UBN1: variants seen among roughly 807,000 people sequenced by gnomAD.
UBN1 encodes the protein ubinuclein 1, also known as ubinuclein-1.
A neutral mutation model predicts 108.5 loss-of-function variants in UBN1; 17 were observed. That is an observed-to-expected ratio of 0.16 (90% confidence interval 0.11 to 0.24). The LOEUF (loss-of-function observed/expected upper bound fraction) is 0.24, where lower values mean the gene tolerates loss of function less well. Among genes scored for constraint, UBN1 ranks in the 10% least tolerant of loss-of-function variants. UBN1 has a pLI of 1.00. For missense variants in UBN1, 1,595 were observed against 1,394.4 expected, an observed-to-expected ratio of 1.14 and a Z score of -2.29; for synonymous variants, 726 against 564.2, an observed-to-expected ratio of 1.29 and a Z score of -4.07.
At chr16:4,879,509 G>A (rs1252433442) in intron 17 of UBN1, among the ~76,000 whole-genome samples, 1 of 152,108 alleles carries the variant, frequency 6.6e-6, no homozygotes, top group Non-Finnish European at 1.5e-5. Context: ...AATCAGAAAA[G>A]CAACTATACC....
chr16:4,851,390 C>CA (rs1259584599), intron 1 of UBN1, among the ~76,000 whole-genome samples: 1 of 151,982 alleles, frequency 6.6e-6, no homozygotes, highest in Non-Finnish European at 1.5e-5. Flanking sequence ...GTTGAGGCCT[C>CA]AGTGAGCTGA....
chr16:4,855,510 G>A (rs139522462), intron 2 of UBN1, among the ~76,000 whole-genome samples: 7,859 of 149,670 alleles, frequency 0.053, 674 homozygotes, highest in African/African-American at 0.18. Context: ...CAGCTACTCA[G>A]AAAGCTGAGG....
rs2142117972 is a variant in UBN1, at chr16:4,853,164, A to G, written c.247A>G (p.Lys83Glu). 1 of 1,614,082 alleles carries G rather than the reference A, an allele frequency of 6.2e-7. No homozygotes were observed. The highest frequency in any genetic ancestry group is 1.1e-5 in the South Asian group (1 of 91,078). Reference sequence around the variant, plus strand: ...GGTAAAAGGCCTTCAGCCTGGAGATAAGGTACACCCCTTTGTTCCCAGAGG... The same window carrying G: ...GGTAAAAGGCCTTCAGCCTGGAGATGAGGTACACCCCTTTGTTCCCAGAGG... ...GKVKGLQPGDKKKDLSDPFND... is the reference protein window; with the variant it reads ...GKVKGLQPGDEKKDLSDPFND... The change falls in exon 2 of 18, where the codon AAG becomes GAG. Residue 83 changes from lysine to glutamate, a missense_variant and splice_region_variant. By Grantham distance (56) the Lys-to-Glu change is moderately conservative (BLOSUM62 1). Around this residue, in one of 3 missense-constraint regions of UBN1, gnomAD observed 181 missense variants for 157.3 expected, o/e 1.15. Coordinates refer to ENST00000262376, the MANE Select transcript of UBN1 (RefSeq NM_001079514.3).
intron 17 of UBN1, among the ~76,000 whole-genome samples, chr16:4,879,160 G>A (rs2088002886): frequency 5.9e-5 from 9 of 152,150 alleles, no homozygotes; most frequent in Admixed American, 5.9e-4. Context: ...GATATTGAAC[G>A]TCGCCAGCAA....
chr16:4,867,006 G>C (rs1034284322), intron 7 of UBN1, among the ~76,000 whole-genome samples: 5 of 152,242 alleles, frequency 3.3e-5, no homozygotes, highest in Admixed American at 3.3e-4. Context: ...GGCTTCGCCG[G>C]CCTCCTGGGG....
At position 4,874,480 on chromosome 16, in the gene UBN1, C is replaced by G. The variant is rs138921792; in HGVS notation, c.2070C>G (p.Asn690Lys). 6 of 1,614,110 alleles carry G rather than the reference C, an allele frequency of 3.7e-6. No homozygotes were observed. In the African/African-American group the frequency reaches 8.0e-5, roughly 22 times the overall value. The change falls in exon 15 of 18, where the codon AAC (asparagine) becomes AAG (lysine). Residue 690 changes from asparagine (N) to lysine (K), a missense_variant. Asn to Lys is a moderately conservative substitution (Grantham distance 94). Around this residue, in one of 3 missense-constraint regions of UBN1, gnomAD observed 1,398 missense variants for 1,194.7 expected, o/e 1.17. Transcript: ENST00000262376. ...LAALNSRAAG[N>K]SEFTLPAPSK... ...CATTGAATAGCAGAGCAGCTGGGAA[C>G]TCTGAATTCACACTGCCTGCACCCT...
In UBN1 at chr16:4,849,343, G is replaced by GAAAACA. The variant is rs201720570; in HGVS notation, c.-40+1145_-40+1150dup. Among the ~76,000 whole-genome samples the GAAAACA allele has an allele frequency of 6.8e-3, 1,040 of 152,048 alleles. 10 individuals carry two copies. Among genetic ancestry groups the GAAAACA allele is most frequent in the African/African-American group, 0.024 (995 of 41,450 alleles). On this transcript the variant is annotated intron_variant, in intron 1 of 17. Coordinates refer to ENST00000262376, the MANE Select transcript of UBN1 (RefSeq NM_001079514.3). ...CGTGGATGATAGGTCTGCCTATTTT[G>GAAAACA]AAAACAAAAACAAAAACCAAAAAAC...
intron 8 of UBN1, 118 bp downstream of exon 8, chr16:4,869,021 G>A (rs2087476456): frequency 1.1e-6 from 1 of 913,144 alleles, no homozygotes; most frequent in East Asian, 2.8e-5. Context: ...CCACCAAGGA[G>A]ATAAAAGAAG....
intron 6 of UBN1, 84 bp from the exon 7 acceptor site, chr16:4,860,580 C>T: frequency 1.5e-6 from 2 of 1,374,362 alleles, no homozygotes; most frequent in Non-Finnish European, 2.0e-6. Flanking sequence ...GAGACCATGA[C>T]CCTGGGAGCA....
chr16:4,877,309 G>A lies in UBN1; in HGVS notation c.3266-76G>A. On this transcript the variant is annotated intron_variant, in intron 16 of 17. Transcript: ENST00000262376. This position sits in a 1 kb window ranked among gnomAD's most constrained non-coding sequence, Gnocchi z 4.3. ...CCTGGCAGGTTATCGGGGGCTTTTG[G>A]CTGCTGGAGCTGCTTTCCTGTTCCT... 6.5e-7 allele frequency: 1 copy of A among 1,550,112 alleles called. No individual in the cohort carries two copies.
Position 4,881,266 on chromosome 16 carries a change from T to C in UBN1, c.*1134T>C, listed in dbSNP as rs189697018. ...CTGTGAAGTGTCTGCCGGGTAGAAATAGGCCTTGAAGTCCTGGGGCTCTCC... is the reference window on the plus strand; with the variant it reads ...CTGTGAAGTGTCTGCCGGGTAGAAACAGGCCTTGAAGTCCTGGGGCTCTCC... On this transcript the variant is annotated 3_prime_UTR_variant, in exon 18 of 18. Coordinates refer to ENST00000262376, the MANE Select transcript of UBN1 (RefSeq NM_001079514.3). 2.0e-5 allele frequency: 3 copies of C among 152,790 alleles called. No individual in the cohort carries two copies. Among genetic ancestry groups the C allele is most frequent in the South Asian group, 4.1e-4 (2 of 4,822 alleles). 9.5% of individuals were successfully genotyped at this position (152,790 alleles called of 1,614,324 possible).
chr16:4,877,427 C>G lies in UBN1; in HGVS notation c.3308C>G (p.Pro1103Arg). Reference protein sequence around the residue: ...GLHSSPPHAAPLPHAAVPTHI... With the variant: ...GLHSSPPHAARLPHAAVPTHI... ...CACTCCAGCCCGCCCCATGCAGCGC[C>G]TCTCCCACACGCTGCGGTGCCCACC... Residue 1103 changes from proline (P) to arginine (R), a missense_variant, in exon 17 of 18, where the codon CCT becomes CGT. Physicochemically the swap from Pro to Arg is moderately radical, Grantham distance 103 (BLOSUM62 -2). Around this residue, in one of 3 missense-constraint regions of UBN1, gnomAD observed 1,398 missense variants for 1,194.7 expected, o/e 1.17. Coordinates refer to ENST00000262376, the MANE Select transcript of UBN1 (RefSeq NM_001079514.3). The surrounding 1 kb of genome is among the most constrained non-coding windows in gnomAD (Gnocchi z 4.3). 1 of 1,612,626 alleles carries G rather than the reference C, an allele frequency of 6.2e-7. No individual in the cohort carries two copies. Among genetic ancestry groups the G allele is most frequent in the Non-Finnish European group, 8.5e-7 (1 of 1,179,696 alleles).
chr16:4,850,826 GTGAT>G (rs2142102686), intron 1 of UBN1, among the ~76,000 whole-genome samples: 1 of 152,248 alleles, frequency 6.6e-6, no homozygotes, highest in African/African-American at 2.4e-5. Context: ...ACTCACATTT[GTGAT>G]TGATTTACAA....
chr16:4,861,003 T>G lies in UBN1; in HGVS notation c.1011T>G (p.Asp337Glu). 6.2e-7 allele frequency: 1 copy of G among 1,614,226 alleles called. No homozygotes were observed. Among genetic ancestry groups the G allele is most frequent in the Non-Finnish European group, 8.5e-7 (1 of 1,180,036 alleles). The change falls in exon 7 of 18, where the codon GAT (aspartate) becomes GAG (glutamate). Residue 337 changes from aspartate (D) to glutamate (E), a missense_variant. Around this residue, in one of 3 missense-constraint regions of UBN1, gnomAD observed 1,398 missense variants for 1,194.7 expected, o/e 1.17. Coordinates refer to ENST00000262376, the MANE Select transcript of UBN1 (RefSeq NM_001079514.3). ...SPFRDMDDGSDSLGVGLDQEF... is the reference protein window; with the variant it reads ...SPFRDMDDGSESLGVGLDQEF... ...TCCGAGATATGGATGATGGAAGTGA[T>G]TCCCTTGGGGTGGGATTGGACCAGG...
Position 4,870,352 on chromosome 16 carries a change from C to T in UBN1, c.1311+11C>T. ...CACCTCTATGAACAGGTGGGTGACT[C>T]TAGAGTGAAGCCCTTTGGCTTTGGG... On this transcript the variant is annotated intron_variant, in intron 9 of 17. Coordinates refer to ENST00000262376, the MANE Select transcript of UBN1 (RefSeq NM_001079514.3). 1 of 1,613,794 alleles carries T rather than the reference C, an allele frequency of 6.2e-7. No individual in the cohort carries two copies. The highest frequency in any genetic ancestry group is 8.5e-7 in the Non-Finnish European group (1 of 1,179,856).
At chr16:4,856,015 G>A (rs2086791053) in intron 2 of UBN1, among the ~76,000 whole-genome samples, 1 of 152,182 alleles carries the variant, frequency 6.6e-6, no homozygotes, top group Non-Finnish European at 1.5e-5. Flanking sequence ...CTGTACCAAG[G>A]GTCAGCCTGT....
chr16:4,849,164 T>C (rs766971138), intron 1 of UBN1, among the ~76,000 whole-genome samples: 1 of 152,172 alleles, frequency 6.6e-6, no homozygotes, highest in Non-Finnish European at 1.5e-5. Context: ...CCTAGAGGCA[T>C]TCCCCTTAAC....
At chr16:4,861,215 GGT>G in intron 7 of UBN1, 113 bp downstream of exon 7, 1 of 1,232,862 alleles carries the variant, frequency 8.1e-7, no homozygotes, top group South Asian at 1.6e-5. Context: ...TGGCAGTTAA[GGT>G]GTCAGCTTTT....
At position 4,870,533 on chromosome 16, in the gene UBN1, G is replaced by T; in HGVS notation, c.1329G>T (p.Glu443Asp). ...HLYEQGGRLKEPLQKLKEAIG... is the reference protein window; with the variant it reads ...HLYEQGGRLKDPLQKLKEAIG... ...CTTCGCAGGGGGGCCGTCTGAAGGA[G>T]CCTCTCCAGAAGCTCAAGGAAGCCA... is the stretch of plus-strand genomic sequence containing the variant. Residue 443 changes from glutamate (E) to aspartate (D), a missense_variant, in exon 10 of 18, where the codon GAG becomes GAT. By Grantham distance (45) the Glu-to-Asp change is conservative. Transcript: ENST00000262376. 2 of 1,614,250 alleles carry T rather than the reference G, an allele frequency of 1.2e-6. No individual in the cohort carries two copies. Among genetic ancestry groups the T allele is most frequent in the Non-Finnish European group, 1.7e-6 (2 of 1,180,032 alleles).
Sources: allele counts gnomAD v4.1 joint callset (sites outside exome capture counted in the v4.1 genomes callset), GRCh38; gene constraint gnomAD v4.1.1; regional missense constraint gnomAD v4.1.1; non-coding constraint Gnocchi (gnomAD v3.1); transcripts MANE v1.5; gene names NCBI Gene and HGNC (gene_info 2026-07-23, HGNC 2026-07-21).